RNF115: variants seen among roughly 807,000 people sequenced by gnomAD.
RNF115 encodes the protein ring finger protein 115.
RNF115 carries 31 observed loss-of-function variants against 39.2 expected under a neutral mutation model. The observed-to-expected ratio is 0.79, with a 90% CI of 0.59 to 1.07. RNF115 has a LOEUF of 1.07. Among genes scored for constraint, RNF115 ranks in the 50% least tolerant of loss-of-function variants. The pLI is 0.00. For synonymous variants in RNF115, 124 were observed against 131.0 expected (o/e 0.95, Z 0.37); for missense variants, 384 against 381.7 (o/e 1.01, Z -0.05).
chr1:145,750,704 A>G (rs1553712360), intron 6 of RNF115, among the ~76,000 whole-genome samples: 1 of 152,202 alleles, frequency 6.6e-6, no homozygotes, highest in Admixed American at 6.5e-5. Flanking sequence ...TGACGTTCGT[A>G]TAAGCCTACA....
At chr1:145,749,675 C>G (rs1658002823) in intron 7 of RNF115, among the ~76,000 whole-genome samples, 1 of 152,186 alleles carries the variant, frequency 6.6e-6, no homozygotes, top group Non-Finnish European at 1.5e-5. Flanking sequence ...ATCTGGACTG[C>G]TGCAACACTC....
In RNF115 at chr1:145,745,437, CA is replaced by C; in HGVS notation, c.*1428del. ...CTCCAGCCTAGGCGACAGAAACAAA[CA>C]AAAAAAGCAGTGAGTTGGGGATTTT... On this transcript the variant is annotated 3_prime_UTR_variant, in exon 9 of 9. Coordinates refer to ENST00000582693, the MANE Select transcript of RNF115 (RefSeq NM_014455.4). 1 of 149,580 alleles carries C rather than the reference CA, an allele frequency of 6.7e-6. No individual in the cohort carries two copies. Among genetic ancestry groups the C allele is most frequent in the Non-Finnish European group, 1.5e-5 (1 of 68,296 alleles). The allele number at this position is 149,580 out of a possible 1,614,324, so 9.3% of individuals were successfully genotyped here.
chr1:145,780,557 T>C (rs1571745583), intron 3 of RNF115, among the ~76,000 whole-genome samples: 1 of 146,086 alleles, frequency 6.8e-6, no homozygotes, highest in African/African-American at 2.6e-5. Flanking sequence ...AAGGCGGAGG[T>C]TGCAGTGAGC....
intron 1 of RNF115, among the ~76,000 whole-genome samples, chr1:145,805,058 C>T (rs1427434673): frequency 6.6e-6 from 1 of 151,696 alleles, no homozygotes; most frequent in African/African-American, 2.4e-5. Flanking sequence ...AAAAAAAAAC[C>T]ATCTACCATC....
At chr1:145,756,281 A>T (rs2101477236) in intron 4 of RNF115, among the ~76,000 whole-genome samples, 1 of 152,114 alleles carries the variant, frequency 6.6e-6, no homozygotes, top group South Asian at 2.1e-4. Flanking sequence ...GCCAACATGG[A>T]GAAACCTGTC....
intron 1 of RNF115, among the ~76,000 whole-genome samples, chr1:145,814,805 T>C (rs1270920065): frequency 6.6e-6 from 1 of 152,184 alleles, no homozygotes; most frequent in Non-Finnish European, 1.5e-5. Flanking sequence ...TAAGAATACA[T>C]ATTTATTTCT....
At chr1:145,799,847 G>A (rs954267140) in intron 1 of RNF115, among the ~76,000 whole-genome samples, 2 of 151,962 alleles carry the variant, frequency 1.3e-5, no homozygotes, top group Non-Finnish European at 2.9e-5. Context: ...TCCCACCTTG[G>A]CCTCCCAGAG....
chr1:145,789,012 C>G (rs1553718554), intron 1 of RNF115, 46 bp from the exon 2 acceptor site: 3 of 1,208,048 alleles, frequency 2.5e-6, no homozygotes, highest in Non-Finnish European at 3.6e-6. Flanking sequence ...CATTAGAAAG[C>G]TACGTGGTAT....
intron 3 of RNF115, among the ~76,000 whole-genome samples, chr1:145,780,842 A>G (rs1648109790): frequency 6.6e-6 from 1 of 151,956 alleles, no homozygotes; most frequent in Admixed American, 6.6e-5. Context: ...AGCCAGAGCC[A>G]CTCTTGCACT....
At chr1:145,797,607 G>A (rs1249320625) in intron 1 of RNF115, among the ~76,000 whole-genome samples, 1 of 152,092 alleles carries the variant, frequency 6.6e-6, no homozygotes, top group South Asian at 2.1e-4. Flanking sequence ...ATGAGCATAG[G>A]TGTGCAAATA....
chr1:145,755,891 C>T (rs1658278252), intron 4 of RNF115, among the ~76,000 whole-genome samples: 1 of 152,070 alleles, frequency 6.6e-6, no homozygotes, highest in Non-Finnish European at 1.5e-5. Flanking sequence ...TGTTGTGGTC[C>T]AAAAACTGGT....
intron 1 of RNF115, among the ~76,000 whole-genome samples, chr1:145,816,938 T>G (rs1198281246): frequency 4.9e-5 from 4 of 81,804 alleles, no homozygotes; most frequent in Non-Finnish European, 8.5e-5. Context: ...CCCAGCTAAT[T>G]TTTATTTTTT....
chr1:145,783,099 G>A (rs1648221267), intron 3 of RNF115, among the ~76,000 whole-genome samples: 1 of 152,196 alleles, frequency 6.6e-6, no homozygotes, highest in Non-Finnish European at 1.5e-5. Context: ...CAGACCTCAG[G>A]TGATCTGCTC....
At chr1:145,794,502 CTTTTTTTT>C (rs57242475) in intron 1 of RNF115, among the ~76,000 whole-genome samples, 69 of 81,116 alleles carry the variant, frequency 8.5e-4, no homozygotes, top group Admixed American at 1.5e-3. Context: ...TAATCTCTTT[CTTTTTTTT>C]TTTTTTTTTT....
intron 3 of RNF115, 143 bp from the exon 4 acceptor site, chr1:145,772,062 T>G: frequency 1.4e-6 from 1 of 695,342 alleles, no homozygotes; most frequent in Non-Finnish European, 2.4e-6. Flanking sequence ...TTTCTATATT[T>G]TTGGTCTGTA....
At position 145,780,481 on chromosome 1, in the gene RNF115, G is replaced by A. The variant is rs587699669; in HGVS notation, c.219+4058C>T. ...TAAAAATATAAAAAATTAGCCAGGC[G>A]TGGTGGCACGCGCCTGTGGTCCCAG... is the stretch of plus-strand genomic sequence containing the variant. On this transcript the variant is annotated intron_variant, in intron 3 of 8. Transcript: ENST00000582693. 5.3e-5 allele frequency among the ~76,000 whole-genome samples: 8 copies of A among 151,630 alleles called. No homozygotes were observed. The East Asian group carries it at 1.4e-3, about 26-fold the overall frequency.
At chr1:145,747,041 G>C (rs782651575) in intron 8 of RNF115, 44 bp from the exon 9 acceptor site, 9 of 1,577,650 alleles carry the variant, frequency 5.7e-6, no homozygotes, top group Non-Finnish European at 7.8e-6. Context: ...CCTGGCCTGA[G>C]AAGCTGGGAG....
intron 4 of RNF115, among the ~76,000 whole-genome samples, chr1:145,766,062 G>GCC (rs1286490262): frequency 6.6e-6 from 1 of 151,718 alleles, no homozygotes; most frequent in Non-Finnish European, 1.5e-5. Context: ...ATTTGGCAGG[G>GCC]TCATAGGACA....
At chr1:145,823,597 G>C (rs1481610226) in intron 1 of RNF115, among the ~76,000 whole-genome samples, 175 bp downstream of exon 1, 1 of 152,202 alleles carries the variant, frequency 6.6e-6, no homozygotes, top group Non-Finnish European at 1.5e-5. Flanking sequence ...GGAGGTACGG[G>C]GCCGAGGCCG....
Sources: gnomAD v4.1 joint callset for allele counts (sites outside exome capture counted in the v4.1 genomes callset) on GRCh38, gnomAD v4.1.1 for gene constraint, MANE v1.5 for transcripts, NCBI Gene and HGNC (gene_info 2026-07-23, HGNC 2026-07-21) for gene names.